The following CD63 variants were observed in gnomAD, a reference collection of about 807,000 sequenced individuals.
The protein encoded by CD63 is CD63 molecule, also known as CD63 antigen.
In CD63, 16 loss-of-function variants were observed where a neutral mutation model predicts 29.2. The ratio of observed to expected loss-of-function variants is 0.55; its 90% CI spans 0.37 to 0.83. The LOEUF (loss-of-function observed/expected upper bound fraction) is 0.83. Among genes scored for constraint, CD63 ranks in the 40% least tolerant of loss-of-function variants. The pLI, the probability that CD63 is intolerant of heterozygous loss-of-function variation, is 0.00. For missense variants in CD63, 251 were observed against 297.3 expected (o/e 0.84, Z 1.15); for synonymous variants, 118 against 111.7 (o/e 1.06, Z -0.36).
In CD63 at chr12:55,727,302, G is replaced by A. The variant is rs1247206101; in HGVS notation, c.104C>T (p.Ala35Val). 1.2e-6 allele frequency: 2 copies of A among 1,613,794 alleles called. No individual in the cohort carries two copies. Among genetic ancestry groups the A allele is most frequent in the Non-Finnish European group, 1.7e-6 (2 of 1,179,986 alleles). ...AVGLIAVGVGAQLVLSQTIIQ... is the reference protein window; with the variant it reads ...AVGLIAVGVGVQLVLSQTIIQ... ...TATGGTCTGACTCAGGACAAGCTGTGCCCCGACACCCACGGCAATCAGTCC... is the reference window on the plus strand; with the variant it reads ...TATGGTCTGACTCAGGACAAGCTGTACCCCGACACCCACGGCAATCAGTCC... The change falls in exon 3 of 8, where the codon GCA becomes GTA. Residue 35 changes from alanine (A) to valine (V), a missense_variant. Ala to Val is a moderately conservative substitution (Grantham distance 64). Coordinates refer to ENST00000257857, the MANE Select transcript of CD63 (RefSeq NM_001780.6).
Position 55,727,277 on chromosome 12 carries a change from T to A in CD63, c.129A>T (p.Ile43=). The change falls in exon 3 of 8, where the codon ATA becomes ATT. Residue 43 remains isoleucine, a synonymous_variant. Coordinates refer to ENST00000257857, the MANE Select transcript of CD63 (RefSeq NM_001780.6). ...GAGAGCCAGGGGTAGCCCCCTGGATTATGGTCTGACTCAGGACAAGCTGTG... is the reference window on the plus strand; with the variant it reads ...GAGAGCCAGGGGTAGCCCCCTGGATAATGGTCTGACTCAGGACAAGCTGTG... ...VGAQLVLSQT[I]IQGATPGSLL... is the part of the protein sequence containing the mutation. 8 of 1,613,830 alleles carry A rather than the reference T, an allele frequency of 5.0e-6. No individual in the cohort carries two copies. Among genetic ancestry groups the A allele is most frequent in the Non-Finnish European group, 6.8e-6 (8 of 1,180,000 alleles).
At chr12:55,727,911 T>G in intron 2 of CD63, 4 of 1,128,870 alleles carry the variant, frequency 3.5e-6, no homozygotes, top group Admixed American at 4.6e-5. Flanking sequence ...TGGACAGGGA[T>G]GAGAGGGTTG....
chr12:55,727,888 G>A (rs1211258627), intron 2 of CD63: 1 of 1,091,850 alleles, frequency 9.2e-7, no homozygotes, highest in Non-Finnish European at 1.1e-6. Flanking sequence ...AGGAGGGAAA[G>A]GGGGAGAGGG....
downstream of CD63, chr12:55,724,750 A>T (rs1877127355): frequency 4.7e-6 from 3 of 642,822 alleles, no homozygotes; most frequent in Non-Finnish European, 2.8e-6. Flanking sequence ...CGACATGCTC[A>T]CGGTCTCTGG....
chr12:55,727,959 C>T (rs1235533668), intron 2 of CD63: 2 of 1,210,158 alleles, frequency 1.7e-6, no homozygotes, highest in East Asian at 7.7e-5. Context: ...CGAAGGGAAG[C>T]CCCATGGCGA....
At chr12:55,724,488 C>G (rs769652740), downstream of CD63, 14 of 1,613,592 alleles carry the variant, frequency 8.7e-6, no homozygotes, top group South Asian at 1.1e-5. Flanking sequence ...TGCCAGCCAG[C>G]CTGGTGGATG....
chr12:55,727,121 C>T (rs568319805), intron 3 of CD63, 30 bp downstream of exon 3: 1 of 1,602,002 alleles, frequency 6.2e-7, no homozygotes, highest in South Asian at 1.1e-5. Context: ...CAGTCCCAGA[C>T]CGCCCATGTT....
At position 55,727,169 on chromosome 12, in the gene CD63, G is replaced by T; in HGVS notation, c.237C>A (p.Asn79Lys). The part of the protein sequence containing the change: ...FVGCCGACKE[N>K]YCLMITFAIF... ...AACTCACCGTGATCATAAGACAATA[G>T]TTCTCCTTGCAGGCCCCGCAGCAGC... Residue 79 changes from asparagine to lysine, a missense_variant, in exon 3 of 8, where the codon AAC (asparagine) becomes AAA (lysine). Coordinates refer to ENST00000257857, the MANE Select transcript of CD63 (RefSeq NM_001780.6). 6.2e-7 allele frequency: 1 copy of T among 1,613,460 alleles called. No homozygotes were observed. Among genetic ancestry groups the T allele is most frequent in the East Asian group, 2.2e-5 (1 of 44,874 alleles).
chr12:55,729,143 GC>G, upstream of CD63: 1 of 985,228 alleles, frequency 1.0e-6, no homozygotes, highest in Non-Finnish European at 1.2e-6. Flanking sequence ...GAGTCACTGG[GC>G]CCGGCGCGGG....
chr12:55,728,290 G>A lies in CD63; in HGVS notation c.52C>T (p.Leu18=), dbSNP rs760975654. 2.5e-5 allele frequency: 40 copies of A among 1,610,686 alleles called. No individual in the cohort carries two copies. Among genetic ancestry groups the A allele is most frequent in the Non-Finnish European group, 3.2e-5 (38 of 1,178,960 alleles). Reference sequence around the variant, plus strand: ...TCGCCACTCACGCAAAAGGCCAGCAGGAGGACGTAGAGCAAGAACTTCACA... The same window carrying A: ...TCGCCACTCACGCAAAAGGCCAGCAAGAGGACGTAGAGCAAGAACTTCACA... The part of the protein sequence containing the change: ...KCVKFLLYVL[L]LAFCACAVGL... Residue 18 remains leucine (L), a synonymous_variant, in exon 2 of 8, where the codon CTG becomes TTG. Transcript: ENST00000257857. The surrounding 1 kb of genome is among the most constrained non-coding windows in gnomAD (Gnocchi z 4.8).
chr12:55,726,844 T>A, intron 4 of CD63, 46 bp downstream of exon 4: 2 of 1,607,960 alleles, frequency 1.2e-6, no homozygotes, highest in Admixed American at 1.7e-5. Flanking sequence ...AGCACCAGGG[T>A]CCCAGACCCG....
At position 55,726,239 on chromosome 12, in the gene CD63, T is replaced by G. The variant is rs1367384879; in HGVS notation, c.449A>C (p.Asn150Thr). The G allele has an allele frequency of 3.1e-6, 5 of 1,613,808 alleles. No individual in the cohort carries two copies. The highest frequency in any genetic ancestry group is 1.7e-5 in the Admixed American group (1 of 59,968). ...AGGGATTTTCTCCCAATCTGTGTAG[T>G]TAGCAGCCCCACAGCACTTAAACTG... is the stretch of plus-strand genomic sequence containing the variant. ...QADFKCCGAA[N>T]YTDWEKIPSM... is the part of the protein sequence containing the mutation. Residue 150 changes from asparagine (N) to threonine (T), a missense_variant, in exon 6 of 8, where the codon AAC (asparagine) becomes ACC (threonine). Asn to Thr is a moderately conservative substitution (Grantham distance 65, BLOSUM62 0). Transcript: ENST00000257857.
At position 55,728,766 on chromosome 12, in the gene CD63, A is replaced by C; in HGVS notation, c.-12+187T>G. The C allele has an allele frequency of 1.0e-6, 1 of 993,254 alleles. No individual in the cohort carries two copies. Among genetic ancestry groups the C allele is most frequent in the South Asian group, 4.4e-5 (1 of 22,760 alleles). 61.5% of individuals were successfully genotyped at this position (993,254 alleles called of 1,614,324 possible). ...CTGACCTCCCCGCCCACCAAAAAAA[A>C]AAAAAGTGCAGCCAGCACCCCCGCC... is the stretch of plus-strand genomic sequence containing the variant. On this transcript the variant is annotated intron_variant, in intron 1 of 7. Coordinates refer to ENST00000257857, the MANE Select transcript of CD63 (RefSeq NM_001780.6). The surrounding 1 kb of genome is among the most constrained non-coding windows in gnomAD (Gnocchi z 4.8).
Position 55,726,137 on chromosome 12 carries a change from T to A in CD63, c.551A>T (p.Lys184Met), listed in dbSNP as rs757139236. 2 of 1,614,020 alleles carry A rather than the reference T, an allele frequency of 1.2e-6. No individual in the cohort carries two copies. Among genetic ancestry groups the A allele is most frequent in the East Asian group, 4.5e-5 (2 of 44,874 alleles). ...CCTCCCTACCTCCTTATGGATCGCC[T>A]TCTCGTTGAAATTAATCCCACAGCC... Reference protein sequence around the residue: ...TVGCGINFNEKAIHKEGCVEK... With the variant: ...TVGCGINFNEMAIHKEGCVEK... The change falls in exon 6 of 8, where the codon AAG becomes ATG. Residue 184 changes from lysine to methionine, a missense_variant. Transcript: ENST00000257857.
chr12:55,728,936 G>C lies in CD63; in HGVS notation c.-12+17C>G. Reference sequence around the variant, plus strand: ...TCCCAGCCCGCGCCGAAGTCCGCCGGGTCCCCGCGGCCTCACCTGGGCTTC... The same window carrying C: ...TCCCAGCCCGCGCCGAAGTCCGCCGCGTCCCCGCGGCCTCACCTGGGCTTC... On this transcript the variant is annotated intron_variant, in intron 1 of 7. Transcript: ENST00000257857. This position sits in a 1 kb window ranked among gnomAD's most constrained non-coding sequence, Gnocchi z 4.8. 1 of 985,474 alleles carries C rather than the reference G, an allele frequency of 1.0e-6. No homozygotes were observed. Among genetic ancestry groups the C allele is most frequent in the Non-Finnish European group, 1.2e-6 (1 of 829,992 alleles). 61.0% of individuals were successfully genotyped at this position (985,474 alleles called of 1,614,324 possible).
At chr12:55,727,018 C>T (rs1205354762) in intron 3 of CD63, 54 bp from the exon 4 acceptor site, 25 of 1,584,672 alleles carry the variant, frequency 1.6e-5, no homozygotes, top group Admixed American at 3.3e-5. Context: ...TACAGGGGCC[C>T]GTTTTGGCAC....
intron 7 of CD63, 69 bp downstream of exon 7, chr12:55,725,744 C>G: frequency 7.1e-6 from 11 of 1,540,240 alleles, no homozygotes; most frequent in South Asian, 1.1e-5. Flanking sequence ...CAGCACCCTC[C>G]TCCCCTCAGC....
At chr12:55,724,781 CAGCT>C, downstream of CD63, 1 of 584,470 alleles carries the variant, frequency 1.7e-6, no homozygotes, top group Non-Finnish European at 3.1e-6. Context: ...CCCTGCAAAA[CAGCT>C]AGCACCCACA....
Position 55,727,354 on chromosome 12 carries a change from G to T in CD63, c.67-15C>A. 1 of 1,607,882 alleles carries T rather than the reference G, an allele frequency of 6.2e-7. No homozygotes were observed. Among genetic ancestry groups the T allele is most frequent in the Non-Finnish European group, 8.5e-7 (1 of 1,176,026 alleles). On this transcript the variant is annotated splice_polypyrimidine_tract_variant and intron_variant, in intron 2 of 7. Transcript: ENST00000257857. ...ACTGCACAGGCCTAAGAGAAAATCAGGTGAGGATTAGGCCATATCCACAAC... is the reference window on the plus strand; with the variant it reads ...ACTGCACAGGCCTAAGAGAAAATCATGTGAGGATTAGGCCATATCCACAAC...
Sources: allele counts gnomAD v4.1 joint callset, GRCh38; gene constraint gnomAD v4.1.1; non-coding constraint Gnocchi (gnomAD v3.1); transcripts MANE v1.5; gene names NCBI Gene and HGNC (gene_info 2026-07-23, HGNC 2026-07-21).